The following DPP10 variants were observed in gnomAD, a reference collection of about 807,000 sequenced individuals.
DPP10 encodes the protein dipeptidyl peptidase like 10.
A neutral mutation model predicts 120.9 loss-of-function variants in DPP10; 33 were observed. The ratio of observed to expected loss-of-function variants is 0.27; its 90% CI spans 0.21 to 0.37. The LOEUF is 0.37. Among genes scored for constraint, DPP10 ranks in the 10% least tolerant of loss-of-function variants. DPP10 has a pLI of 1.00. For missense variants in DPP10, 816 were observed against 942.8 expected (o/e 0.87, Z 1.76); for synonymous variants, 337 against 326.1 (o/e 1.03, Z -0.36).
intron 1 of DPP10, among the ~76,000 whole-genome samples, chr2:114,957,054 A>G (rs536315923): frequency 6.6e-6 from 1 of 151,936 alleles, no homozygotes; most frequent in South Asian, 2.1e-4. Context: ...TATTAGCAAA[A>G]AAACACAGGC....
intron 1 of DPP10, among the ~76,000 whole-genome samples, chr2:114,588,964 T>G (rs2105142326): frequency 6.8e-6 from 1 of 147,962 alleles, no homozygotes; most frequent in African/African-American, 2.5e-5. Context: ...CTCTGGAAAC[T>G]ATGGCACTAG....
chr2:114,813,218 GA>G (rs1685333472), intron 1 of DPP10, among the ~76,000 whole-genome samples: 1 of 152,222 alleles, frequency 6.6e-6, no homozygotes, highest in South Asian at 2.1e-4. Flanking sequence ...AATTGAAAAT[GA>G]TATACAATTT....
intron 3 of DPP10, among the ~76,000 whole-genome samples, chr2:115,461,940 C>A (rs2074010125): frequency 6.6e-6 from 1 of 152,088 alleles, no homozygotes; most frequent in Non-Finnish European, 1.5e-5. Flanking sequence ...TTAATAAATG[C>A]CCTTTCGTGT....
intron 3 of DPP10, among the ~76,000 whole-genome samples, chr2:115,459,500 GT>G (rs537719390): frequency 6.6e-4 from 100 of 152,078 alleles, no homozygotes; most frequent in African/African-American, 2.3e-3. Flanking sequence ...ACATGAAAGA[GT>G]TTCTATTGTT....
intron 1 of DPP10, among the ~76,000 whole-genome samples, chr2:115,279,361 G>A (rs1379605378): frequency 6.6e-6 from 1 of 152,080 alleles, no homozygotes; most frequent in African/African-American, 2.4e-5. Flanking sequence ...GAGAAAAACA[G>A]GAGGAGGAGG....
intron 3 of DPP10, among the ~76,000 whole-genome samples, chr2:115,465,656 C>T (rs534434498): frequency 8.5e-5 from 13 of 152,186 alleles, no homozygotes; most frequent in African/African-American, 2.9e-4. Flanking sequence ...AACCCTGGCT[C>T]TACTAAAAAT....
chr2:114,852,565 T>A (rs114427344), intron 1 of DPP10, among the ~76,000 whole-genome samples: 1,661 of 151,940 alleles, frequency 0.011, 30 homozygotes, highest in African/African-American at 0.038. Context: ...GTAGATTATA[T>A]GCAAATACGA....
chr2:115,056,298 G>A (rs1705903378), intron 1 of DPP10, among the ~76,000 whole-genome samples: 1 of 152,118 alleles, frequency 6.6e-6, no homozygotes, highest in African/African-American at 2.4e-5. Context: ...GAGTCATTGA[G>A]GTACTATTAT....
chr2:114,598,010 G>A (rs1257357917), intron 1 of DPP10, among the ~76,000 whole-genome samples: 3 of 151,920 alleles, frequency 2.0e-5, no homozygotes, highest in Non-Finnish European at 2.9e-5. Context: ...AGGGAGACAT[G>A]TTCTGTTGCT....
At chr2:115,835,827 A>C (rs2150117958) in intron 21 of DPP10, among the ~76,000 whole-genome samples, 1 of 152,236 alleles carries the variant, frequency 6.6e-6, no homozygotes, top group East Asian at 1.9e-4. Context: ...ACCTCAAATT[A>C]TTTGGGGCAA....
At chr2:115,739,672 C>A in intron 8 of DPP10, 67 bp from the exon 9 acceptor site, 4 of 1,509,392 alleles carry the variant, frequency 2.7e-6, no homozygotes, top group Non-Finnish European at 3.7e-6. Context: ...ATTTCAAGGA[C>A]AGATGTTTGT....
At chr2:115,713,024 T>C (rs1016430478) in intron 7 of DPP10, among the ~76,000 whole-genome samples, 2 of 152,104 alleles carry the variant, frequency 1.3e-5, no homozygotes, top group African/African-American at 4.8e-5. Flanking sequence ...GAATTTTTTT[T>C]TAGAAAATCA....
At chr2:115,672,696 T>TTCTTTCTTTCTTTCTTTCTTTCTTTC (rs1425023931) in intron 5 of DPP10, among the ~76,000 whole-genome samples, 2 of 146,612 alleles carry the variant, frequency 1.4e-5, no homozygotes, top group Non-Finnish European at 3.0e-5. Context: ...CTTTCTTTCT[T>TTCTTTCTTTCTTTCTTTCTTTCTTTC]TCTTTCTTTC....
chr2:114,824,361 A>T (rs1294612651), intron 1 of DPP10, among the ~76,000 whole-genome samples: 6 of 152,212 alleles, frequency 3.9e-5, no homozygotes, highest in Non-Finnish European at 8.8e-5. Context: ...ATATTGAGAG[A>T]AAAACTCATG....
intron 3 of DPP10, among the ~76,000 whole-genome samples, chr2:115,379,139 C>T (rs945696065): frequency 6.6e-5 from 10 of 152,296 alleles, no homozygotes; most frequent in Non-Finnish European, 1.2e-4. Context: ...ACCAGTTCCT[C>T]CTTGTACCTC....
intron 1 of DPP10, among the ~76,000 whole-genome samples, chr2:114,706,533 C>T (rs1397324050): frequency 1.3e-5 from 2 of 152,160 alleles, no homozygotes; most frequent in African/African-American, 2.4e-5. Context: ...TTTCTGCCTT[C>T]ATCTTCACAT....
At chr2:115,783,489 T>G (rs1309385592) in intron 17 of DPP10, among the ~76,000 whole-genome samples, 1 of 152,142 alleles carries the variant, frequency 6.6e-6, no homozygotes, top group Non-Finnish European at 1.5e-5. Flanking sequence ...CAAATATCAT[T>G]TTGAGAAAAC....
chr2:115,791,866 A>G (rs534507079), intron 19 of DPP10, among the ~76,000 whole-genome samples: 3 of 152,286 alleles, frequency 2.0e-5, no homozygotes, highest in African/African-American at 7.2e-5. Flanking sequence ...TATCATGACT[A>G]TATAGTATTA....
chr2:114,527,516 G>A (rs376765470), intron 1 of DPP10, among the ~76,000 whole-genome samples: 12 of 152,164 alleles, frequency 7.9e-5, no homozygotes, highest in African/African-American at 2.9e-4. Context: ...TATCTAGTTT[G>A]ACAGTATTAA....
Sources: gnomAD v4.1 joint callset for allele counts (sites outside exome capture counted in the v4.1 genomes callset) on GRCh38, gnomAD v4.1.1 for gene constraint, MANE v1.5 for transcripts, NCBI Gene and HGNC (gene_info 2026-07-23, HGNC 2026-07-21) for gene names.